The following CDH17 variants were observed in gnomAD, a reference collection of about 807,000 sequenced individuals.
CDH17 encodes the protein cadherin-17.
Under a neutral mutation model 86.3 loss-of-function variants are expected in CDH17, and 67 were observed. The ratio of observed to expected loss-of-function variants is 0.78; its 90% confidence interval spans 0.64 to 0.95. The LOEUF is 0.95. Among genes scored for constraint, CDH17 ranks in the 40% least tolerant of loss-of-function variants. CDH17 has a pLI of 0.00. For synonymous variants in CDH17, 367 were observed against 366.4 expected (o/e 1.00, Z -0.02); for missense variants, 993 against 1,017.6 (o/e 0.98, Z 0.33).
intron 15 of CDH17, among the ~76,000 whole-genome samples, chr8:94,139,513 G>C (rs958182715): frequency 1.4e-4 from 21 of 152,114 alleles, no homozygotes; most frequent in African/African-American, 4.8e-4. Context: ...TGCCATCAAG[G>C]CAATATGAAC....
chr8:94,188,367 G>A (rs113315458), intron 3 of CDH17, among the ~76,000 whole-genome samples: 2,145 of 152,124 alleles, frequency 0.014, 56 homozygotes, highest in African/African-American at 0.048. Context: ...ACAGAGGGCC[G>A]TCTGTAAATT....
chr8:94,193,335 G>T (rs1329561766), intron 2 of CDH17, among the ~76,000 whole-genome samples: 1 of 152,196 alleles, frequency 6.6e-6, no homozygotes, highest in Non-Finnish European at 1.5e-5. Flanking sequence ...TTTTCATGGA[G>T]GTCAGAGTCC....
intron 3 of CDH17, 104 bp downstream of exon 3, chr8:94,189,083 G>T: frequency 1.3e-6 from 1 of 791,448 alleles, no homozygotes; most frequent in South Asian, 1.5e-5. Context: ...TAATGAGAAT[G>T]CCATGCCTTT....
intron 13 of CDH17, among the ~76,000 whole-genome samples, chr8:94,149,513 G>C (rs1812817968): frequency 6.6e-6 from 1 of 152,126 alleles, no homozygotes; most frequent in Non-Finnish European, 1.5e-5. Context: ...TCCAAGAGAA[G>C]TTTACAGGAA....
chr8:94,148,721 G>T (rs2340024), intron 14 of CDH17, 23 bp downstream of exon 14: 69,898 of 1,084,758 alleles, frequency 0.064, 2,736 homozygotes, highest in South Asian at 0.15. Context: ...CTTTTTTTTT[G>T]TTTTTTTTTT....
intron 14 of CDH17, 93 bp downstream of exon 14, chr8:94,148,649 CCT>C: frequency 9.5e-7 from 1 of 1,056,732 alleles, no homozygotes. Context: ...GTGTTTTGGC[CCT>C]GTCAGTTTTC....
intron 2 of CDH17, among the ~76,000 whole-genome samples, chr8:94,194,017 C>T (rs1031339686): frequency 6.6e-6 from 1 of 151,616 alleles, no homozygotes; most frequent in African/African-American, 2.4e-5. Flanking sequence ...TTGGGGGCAA[C>T]CTTTATGAAC....
rs1813381294 is a variant in CDH17 at position 94,176,669 on chromosome 8, A to G, written c.296T>C (p.Leu99Pro). ...RSTHNLQVAA[L>P]DANGIIVEGP... is the part of the protein sequence containing the mutation. ...CTCCACTATAATTCCATTAGCGTCC[A>G]GGGCTGCAACCTGATGTTGAGGAAA... The change falls in exon 5 of 18, where the codon CTG (leucine) becomes CCG (proline). Residue 99 changes from leucine (L) to proline (P), a missense_variant. Coordinates refer to ENST00000027335, the MANE Select transcript of CDH17 (RefSeq NM_004063.4). The G allele has an allele frequency of 1.2e-6, 2 of 1,612,802 alleles. No individual in the cohort carries two copies. The highest frequency in any genetic ancestry group is 8.5e-7 in the Non-Finnish European group (1 of 1,179,430).
chr8:94,136,698 C>A (rs993414532), intron 15 of CDH17, among the ~76,000 whole-genome samples: 8 of 152,214 alleles, frequency 5.3e-5, no homozygotes, highest in Admixed American at 5.2e-4. Flanking sequence ...CAAGGAGCTG[C>A]AATCCTTTGG....
chr8:94,204,764 T>A (rs988800964), intron 1 of CDH17, among the ~76,000 whole-genome samples: 5 of 152,052 alleles, frequency 3.3e-5, no homozygotes, highest in Non-Finnish European at 5.9e-5. Flanking sequence ...TGGCGTTTGT[T>A]CCCCCAGTGC....
Position 94,130,639 on chromosome 8 carries a change from G to C in CDH17, c.2385C>G (p.Thr795=). 4.4e-6 allele frequency: 7 copies of C among 1,608,890 alleles called. No individual in the cohort carries two copies. The highest frequency in any genetic ancestry group is 6.0e-6 in the Non-Finnish European group (7 of 1,175,706). ...AATTACACTCACCAATCACCAGAAG[G>C]GTGGTCAGCAGTATACCAACTGCCA... ...VGMAVGILLT[T]LLVIGIILAV... The change falls in exon 17 of 18, where the codon ACC becomes ACG. Residue 795 remains threonine (T), a synonymous_variant. Coordinates refer to ENST00000027335, the MANE Select transcript of CDH17 (RefSeq NM_004063.4).
At chr8:94,144,368 A>C (rs1228597448) in intron 15 of CDH17, among the ~76,000 whole-genome samples, 1 of 152,182 alleles carries the variant, frequency 6.6e-6, no homozygotes, top group Non-Finnish European at 1.5e-5. Flanking sequence ...AAGTTTAAGA[A>C]TTACCTAAAT....
intron 5 of CDH17, among the ~76,000 whole-genome samples, chr8:94,175,854 G>C (rs1813360846): frequency 6.6e-6 from 1 of 152,122 alleles, no homozygotes; most frequent in South Asian, 2.1e-4. Context: ...CTAGAGCTCT[G>C]AGGTATCTTA....
chr8:94,154,172 C>T (rs2130608032), intron 12 of CDH17, among the ~76,000 whole-genome samples: 1 of 152,270 alleles, frequency 6.6e-6, no homozygotes, highest in South Asian at 2.1e-4. Context: ...GACAAACTTT[C>T]ATAGCAGTGG....
chr8:94,194,408 G>A (rs919852733), intron 2 of CDH17, among the ~76,000 whole-genome samples: 1 of 152,172 alleles, frequency 6.6e-6, no homozygotes, highest in African/African-American at 2.4e-5. Flanking sequence ...GCTTTTAAGA[G>A]CTGGAAAGAA....
Position 94,153,118 on chromosome 8 carries a change from A to G in CDH17, c.1552-1006T>C, listed in dbSNP as rs75624383. The stretch of plus-strand genomic sequence containing the variant: ...ATCAGGAGAAAATATTTGCAAATAC[A>G]CATTAGAAAAAGGATTAATATAAAA... On this transcript the variant is annotated intron_variant, in intron 12 of 17. Transcript: ENST00000027335. 5.9e-3 allele frequency among the ~76,000 whole-genome samples: 901 copies of G among 152,330 alleles called. 10 individuals carry two copies. Among genetic ancestry groups the G allele is most frequent in the African/African-American group, 0.02 (831 of 41,576 alleles).
In CDH17 at chr8:94,173,845, C is replaced by T. The variant is rs374082696; in HGVS notation, c.735G>A (p.Val245=). ...GATCAGTTGAGTTTTCCACCATCTC[C>T]ACAGGTTTTGGTGCTTTCCAAATAT... ...TENIWKAPKP[V]EMVENSTDPH... Residue 245 remains valine (V), a synonymous_variant, in exon 7 of 18, where the codon GTG becomes GTA. Coordinates refer to ENST00000027335, the MANE Select transcript of CDH17 (RefSeq NM_004063.4). 9 of 1,613,782 alleles carry T rather than the reference C, an allele frequency of 5.6e-6. No individual in the cohort carries two copies. In the African/African-American group the frequency reaches 1.2e-4, roughly 22 times the overall value.
At chr8:94,146,322 T>C (rs546063567) in intron 14 of CDH17, among the ~76,000 whole-genome samples, 155 bp from the exon 15 acceptor site, 2 of 152,324 alleles carry the variant, frequency 1.3e-5, no homozygotes, top group South Asian at 2.1e-4. Flanking sequence ...TCATTACTGG[T>C]GAAAAAGTCT....
chr8:94,195,636 A>G (rs1010209616), intron 1 of CDH17, among the ~76,000 whole-genome samples: 16 of 152,180 alleles, frequency 1.1e-4, no homozygotes, highest in African/African-American at 3.4e-4. Flanking sequence ...TGTGACTTTC[A>G]CTATGAGACA....
Sources: allele counts gnomAD v4.1 joint callset (sites outside exome capture counted in the v4.1 genomes callset), GRCh38; gene constraint gnomAD v4.1.1; transcripts MANE v1.5; gene names NCBI Gene and HGNC (gene_info 2026-07-23, HGNC 2026-07-21).